The following GSK3B variants were observed in gnomAD, a reference collection of about 807,000 sequenced individuals.
GSK3B encodes glycogen synthase kinase 3 beta.
A neutral mutation model predicts 56.4 loss-of-function variants in GSK3B; 15 were observed. That is an observed-to-expected ratio of 0.27 (90% confidence interval 0.18 to 0.41). The LOEUF is 0.41. GSK3B is among the 10% of genes least tolerant of loss of function. The pLI, the probability that GSK3B is intolerant of heterozygous loss-of-function variation, is 1.00. For synonymous variants in GSK3B, 181 were observed against 188.9 expected (o/e 0.96, Z 0.34); for missense variants, 300 against 513.4 (o/e 0.58, Z 4.02).
chr3:120,046,042 T>C (rs759751039), intron 1 of GSK3B, among the ~76,000 whole-genome samples: 36 of 150,840 alleles, frequency 2.4e-4, no homozygotes, highest in African/African-American at 8.1e-4. Context: ...ACTATAGAGA[T>C]AGTAAAAAGT....
At chr3:120,015,649 CAAAAAAAAAAAA>C (rs61520236) in intron 1 of GSK3B, among the ~76,000 whole-genome samples, 22 of 46,946 alleles carry the variant, frequency 4.7e-4, no homozygotes, top group Middle Eastern at 0.024. Flanking sequence ...GACTCTGTCT[CAAAAAAAAAAAA>C]AAAAAAAAAA....
intron 7 of GSK3B, among the ~76,000 whole-genome samples, chr3:119,896,685 G>A (rs1308515207): frequency 6.6e-6 from 1 of 152,050 alleles, no homozygotes; most frequent in East Asian, 1.9e-4. Flanking sequence ...AGAATCATTG[G>A]TGTCAAACAT....
intron 7 of GSK3B, among the ~76,000 whole-genome samples, chr3:119,887,092 G>C (rs549058762): frequency 2.6e-5 from 4 of 152,078 alleles, no homozygotes; most frequent in South Asian, 2.1e-4. Context: ...CATCTAACTG[G>C]CTAAACAAGA....
chr3:119,987,689 G>T (rs2057529335), intron 2 of GSK3B, among the ~76,000 whole-genome samples: 1 of 151,924 alleles, frequency 6.6e-6, no homozygotes. Context: ...TTACCTTATG[G>T]TCAGATATTA....
At position 120,042,777 on chromosome 3, in the gene GSK3B, A is replaced by G. The variant is rs2058074069; in HGVS notation, c.89-40538T>C. Among the ~76,000 whole-genome samples the G allele has an allele frequency of 1.3e-5, 2 of 152,326 alleles. 1 individual carries two copies. The highest frequency in any genetic ancestry group is 4.1e-4 in the South Asian group (2 of 4,832). On this transcript the variant is annotated intron_variant, in intron 1 of 10. Transcript: ENST00000264235. ...GAAAATATCATACTCCTTGGCACCC[A>G]CCGTCATTAAGGAAGGTTAAAAAGA...
chr3:120,024,338 G>A (rs139154639), intron 1 of GSK3B, among the ~76,000 whole-genome samples: 207 of 152,178 alleles, frequency 1.4e-3, no homozygotes, highest in African/African-American at 4.9e-3. Flanking sequence ...GGGCAACACA[G>A]CAAGACCCTG....
At position 119,826,421 on chromosome 3, in the gene GSK3B, G is replaced by A. The variant is rs1368120174; in HGVS notation, c.*367C>T. ...AAAAAACCCATCAGCACAGAAAAAG[G>A]TTTTCTTCTTTTGTGGAAGGGGCAT... On this transcript the variant is annotated 3_prime_UTR_variant, in exon 11 of 11. Coordinates refer to ENST00000264235, the MANE Select transcript of GSK3B (RefSeq NM_001146156.2). 5 of 435,274 alleles carry A rather than the reference G, an allele frequency of 1.1e-5. No homozygotes were observed. The highest frequency in any genetic ancestry group is 2.1e-5 in the Non-Finnish European group (5 of 235,760). The allele number at this position is 435,274 out of a possible 1,614,324, so 27.0% of individuals were successfully genotyped here.
chr3:119,888,385 C>T (rs1438010775), intron 7 of GSK3B, among the ~76,000 whole-genome samples: 1 of 152,130 alleles, frequency 6.6e-6, no homozygotes, highest in Non-Finnish European at 1.5e-5. Context: ...GTCTTTACTT[C>T]AATCTCTGAA....
intron 2 of GSK3B, among the ~76,000 whole-genome samples, chr3:119,994,567 G>A (rs535165685): frequency 6.6e-6 from 1 of 152,064 alleles, no homozygotes; most frequent in Non-Finnish European, 1.5e-5. Context: ...CTAAGTGATA[G>A]AAGTGAATAT....
At chr3:120,009,191 C>A (rs1291594362) in intron 1 of GSK3B, among the ~76,000 whole-genome samples, 1 of 152,138 alleles carries the variant, frequency 6.6e-6, no homozygotes, top group Non-Finnish European at 1.5e-5. Flanking sequence ...ACAACAGATG[C>A]TGGAGAGGTT....
At chr3:119,980,230 C>T (rs1432803371) in intron 2 of GSK3B, among the ~76,000 whole-genome samples, 2 of 152,160 alleles carry the variant, frequency 1.3e-5, no homozygotes, top group Admixed American at 6.5e-5. Flanking sequence ...TGCCAGCATA[C>T]CTTTTTGTTT....
At chr3:120,009,396 CG>C (rs1307585931) in intron 1 of GSK3B, among the ~76,000 whole-genome samples, 2 of 152,092 alleles carry the variant, frequency 1.3e-5, no homozygotes, top group Non-Finnish European at 2.9e-5. Context: ...ACATTTACTG[CG>C]GCACTATTCA....
intron 9 of GSK3B, among the ~76,000 whole-genome samples, chr3:119,843,944 T>C (rs1460012645): frequency 6.6e-6 from 1 of 152,028 alleles, no homozygotes; most frequent in East Asian, 1.9e-4. Flanking sequence ...CCTCAGCAAA[T>C]GCCAAAGAAC....
intron 8 of GSK3B, among the ~76,000 whole-genome samples, chr3:119,871,744 G>C (rs926450038): frequency 1.3e-5 from 2 of 152,108 alleles, no homozygotes; most frequent in African/African-American, 2.4e-5. Flanking sequence ...CTTCTCTGGG[G>C]AACAACTAGG....
intron 1 of GSK3B, among the ~76,000 whole-genome samples, chr3:120,035,276 G>C (rs2058012588): frequency 6.6e-6 from 1 of 152,178 alleles, no homozygotes; most frequent in African/African-American, 2.4e-5. Context: ...GTCAGGGATT[G>C]CTAGCAAACA....
Position 119,824,120 on chromosome 3 carries a change from C to T in GSK3B, c.*2668G>A, listed in dbSNP as rs1559796115. Reference sequence around the variant, plus strand: ...ACAGTAACTTTTTGCTCATTAATAACAGTTCCTGGGTCCACATATTTACAT... The same window carrying T: ...ACAGTAACTTTTTGCTCATTAATAATAGTTCCTGGGTCCACATATTTACAT... On this transcript the variant is annotated 3_prime_UTR_variant, in exon 11 of 11. Coordinates refer to ENST00000264235, the MANE Select transcript of GSK3B (RefSeq NM_001146156.2). 2 of 201,816 alleles carry T rather than the reference C, an allele frequency of 9.9e-6. No individual in the cohort carries two copies. Among genetic ancestry groups the T allele is most frequent in the Non-Finnish European group, 2.0e-5 (2 of 98,062 alleles). 12.5% of individuals were successfully genotyped at this position (201,816 alleles called of 1,614,324 possible).
intron 1 of GSK3B, among the ~76,000 whole-genome samples, chr3:120,017,960 T>C (rs922813180): frequency 2.0e-5 from 3 of 152,210 alleles, no homozygotes; most frequent in African/African-American, 7.2e-5. Context: ...GCAATCACCC[T>C]CTTAAAAGAG....
intron 1 of GSK3B, among the ~76,000 whole-genome samples, chr3:120,007,890 T>C (rs1410082235): frequency 1.3e-5 from 2 of 152,254 alleles, no homozygotes; most frequent in African/African-American, 4.8e-5. Flanking sequence ...TCCCTCCTAG[T>C]CAACATAGTA....
Position 120,093,866 on chromosome 3 carries a change from G to T in GSK3B, c.-432C>A, listed in dbSNP as rs1212890087. The stretch of plus-strand genomic sequence containing the variant: ...AAGGGAAGCGGCGGAAGGATCACGA[G>T]TCTCACGCTTGAAGAGAAAGGGGGA... On this transcript the variant is annotated 5_prime_UTR_variant, in exon 1 of 11. Coordinates refer to ENST00000264235, the MANE Select transcript of GSK3B (RefSeq NM_001146156.2). The T allele has an allele frequency of 1.0e-5, 2 of 200,526 alleles. No homozygotes were observed. Among genetic ancestry groups the T allele is most frequent in the Admixed American group, 6.0e-5 (1 of 16,612 alleles). 12.4% of individuals were successfully genotyped at this position (200,526 alleles called of 1,614,324 possible).
Sources: gnomAD v4.1 joint callset for allele counts (sites outside exome capture counted in the v4.1 genomes callset) on GRCh38, gnomAD v4.1.1 for gene constraint, MANE v1.5 for transcripts, NCBI Gene and HGNC (gene_info 2026-07-23, HGNC 2026-07-21) for gene names.